The following DNAH6 variants were observed in gnomAD, a reference collection of about 807,000 sequenced individuals.
DNAH6 encodes the protein dynein axonemal heavy chain 6, also known as axonemal beta dynein heavy chain 6.
In DNAH6, 340 loss-of-function variants were observed where a neutral mutation model predicts 491.4. The ratio of observed to expected loss-of-function variants is 0.69; its 90% CI spans 0.63 to 0.76. The LOEUF (loss-of-function observed/expected upper bound fraction) is 0.76, where lower values mean the gene tolerates loss of function less well. Ranked by LOEUF, DNAH6 falls within the 30% of genes least tolerant of loss-of-function variation. DNAH6 has a pLI of 0.00. For missense variants in DNAH6, 4,443 were observed against 4,972.2 expected (o/e 0.89, Z 3.20); for synonymous variants, 1,603 against 1,686.1 (o/e 0.95, Z 1.21).
At chr2:84,676,302 A>G (rs1276833056) in intron 40 of DNAH6, among the ~76,000 whole-genome samples, 1 of 152,132 alleles carries the variant, frequency 6.6e-6, no homozygotes, top group African/African-American at 2.4e-5. Flanking sequence ...TTGAGACCAC[A>G]CTTTCACATT....
At chr2:84,800,865 G>C (rs992956749) in intron 70 of DNAH6, among the ~76,000 whole-genome samples, 3 of 151,946 alleles carry the variant, frequency 2.0e-5, no homozygotes, top group East Asian at 3.9e-4. Context: ...AACAATGATA[G>C]ACTGGATTAA....
intron 45 of DNAH6, among the ~76,000 whole-genome samples, chr2:84,692,271 C>G (rs1192153100): frequency 6.6e-6 from 1 of 152,182 alleles, no homozygotes; most frequent in African/African-American, 2.4e-5. Context: ...CATGATGAAG[C>G]TTACATGTGG....
At chr2:84,710,760 A>G (rs1696964096) in intron 56 of DNAH6, among the ~76,000 whole-genome samples, 1 of 152,196 alleles carries the variant, frequency 6.6e-6, no homozygotes, top group Non-Finnish European at 1.5e-5. Context: ...ATGCGAAGCC[A>G]GTAAAATATT....
At chr2:84,699,096 T>TGACAA (rs997405812) in intron 47 of DNAH6, among the ~76,000 whole-genome samples, 5 of 152,098 alleles carry the variant, frequency 3.3e-5, no homozygotes, top group South Asian at 4.2e-4. Flanking sequence ...ACTTCCTGGG[T>TGACAA]GACAAGATCA....
intron 65 of DNAH6, 45 bp downstream of exon 65, chr2:84,781,698 T>C (rs1676719416): frequency 1.2e-5 from 18 of 1,491,046 alleles, no homozygotes; most frequent in Non-Finnish European, 1.6e-5. Context: ...CATTTTTATG[T>C]AACCTTTTCT....
intron 62 of DNAH6, among the ~76,000 whole-genome samples, chr2:84,735,573 A>T (rs1018665337): frequency 6.6e-6 from 1 of 152,116 alleles, no homozygotes; most frequent in African/African-American, 2.4e-5. Context: ...TGACTTTTTA[A>T]TAATAGCCTT....
chr2:84,793,950 A>G (rs1466133849), intron 68 of DNAH6, among the ~76,000 whole-genome samples: 1 of 152,212 alleles, frequency 6.6e-6, no homozygotes, highest in East Asian at 1.9e-4. Flanking sequence ...CGGTAGTCAA[A>G]ACAGCATGAT....
At chr2:84,549,513 A>G (rs1261897767) in intron 8 of DNAH6, among the ~76,000 whole-genome samples, 1 of 152,272 alleles carries the variant, frequency 6.6e-6, no homozygotes, top group East Asian at 1.9e-4. Context: ...TTTTACTATT[A>G]GAATGCAAGT....
chr2:84,637,306 T>C lies in DNAH6; in HGVS notation c.4750T>C (p.Leu1584=). Residue 1584 remains leucine (L), a synonymous_variant, in exon 31 of 77, where the codon TTG becomes CTG. Coordinates refer to ENST00000389394, the MANE Select transcript of DNAH6 (RefSeq NM_001370.2). ...MNPGYAGRTE[L]PDNLKALFRP... The stretch of plus-strand genomic sequence containing the variant: ...TCCTGGCTATGCAGGGAGAACTGAA[T>C]TGCCAGATAATTTGAAAGCCCTGTT... 6.4e-7 allele frequency: 1 copy of C among 1,551,388 alleles called. No homozygotes were observed. Among genetic ancestry groups the C allele is most frequent in the South Asian group, 1.2e-5 (1 of 84,004 alleles).
the DNAH6 span, among the ~76,000 whole-genome samples, chr2:84,496,069 G>C: frequency 6.6e-6 from 1 of 152,154 alleles, no homozygotes. Flanking sequence ...TCCTGCTTCA[G>C]AGAGGAAATA....
At position 84,703,529 on chromosome 2, in the gene DNAH6, A is replaced by G. The variant is rs764661590; in HGVS notation, c.8196A>G (p.Glu2732=). The G allele has an allele frequency of 2.3e-5, 36 of 1,551,256 alleles. No individual in the cohort carries two copies. In the South Asian group the frequency reaches 4.2e-4, roughly 18 times the overall value. ...CAGAAGATGTTGAAGCCCTGATGGA[A>G]AAATTGGCAGTGGATCAAGAAAGTG... ...AKSEDVEALM[E]KLAVDQESAD... The change falls in exon 50 of 77, where the codon GAA becomes GAG. Residue 2732 remains glutamate, a synonymous_variant. Coordinates refer to ENST00000389394, the MANE Select transcript of DNAH6 (RefSeq NM_001370.2).
rs2104466679 is a variant in DNAH6, at chr2:84,634,578, C to T, written c.4590C>T (p.Asp1530=). Residue 1530 remains aspartate (D), a synonymous_variant, in exon 30 of 77, where the codon GAC becomes GAT. Coordinates refer to ENST00000389394, the MANE Select transcript of DNAH6 (RefSeq NM_001370.2). The part of the protein sequence containing the change: ...WCCFDEFNRI[D]IEVLSVIAQQ... Reference sequence around the variant, plus strand: ...GCTTTGATGAATTTAATCGAATTGACATAGAAGTTCTGTCCGTCATCGCGC... The same window carrying T: ...GCTTTGATGAATTTAATCGAATTGATATAGAAGTTCTGTCCGTCATCGCGC... 6.4e-7 allele frequency: 1 copy of T among 1,550,494 alleles called. No homozygotes were observed. The highest frequency in any genetic ancestry group is 8.7e-7 in the Non-Finnish European group (1 of 1,146,472).
intron 11 of DNAH6, among the ~76,000 whole-genome samples, chr2:84,572,228 T>TAATA (rs1681972568): frequency 6.6e-6 from 1 of 152,192 alleles, no homozygotes; most frequent in African/African-American, 2.4e-5. Flanking sequence ...GTTCAGAGTA[T>TAATA]AATAATATGT....
rs376618965 is a variant in DNAH6 at position 84,722,765 on chromosome 2, A to T, written c.9933A>T (p.Ile3311=). 16 of 1,535,492 alleles carry T rather than the reference A, an allele frequency of 1.0e-5. No homozygotes were observed. Among genetic ancestry groups the T allele is most frequent in the African/African-American group, 4.2e-5 (3 of 71,806 alleles). Residue 3311 remains isoleucine (I), a synonymous_variant, in exon 60 of 77, where the codon ATA becomes ATT. Coordinates refer to ENST00000389394, the MANE Select transcript of DNAH6 (RefSeq NM_001370.2). ...MYFVIASLSE[I]DPMYQYSLKY... ...TTGTCATTGCAAGCCTCTCAGAAAT[A>T]GATCCTATGTACCAGTACTCATTAA...
intron 63 of DNAH6, among the ~76,000 whole-genome samples, chr2:84,746,614 G>A (rs1034934650): frequency 1.3e-5 from 2 of 152,148 alleles, no homozygotes; most frequent in African/African-American, 4.8e-5. Flanking sequence ...TTGGGAAAAG[G>A]GAGAAAAAAC....
intron 4 of DNAH6, among the ~76,000 whole-genome samples, chr2:84,535,125 C>CT (rs1317012814): frequency 3.3e-5 from 5 of 151,746 alleles, no homozygotes; most frequent in Non-Finnish European, 5.9e-5. Context: ...TTACCACATC[C>CT]TTGAGTTTTT....
intron 18 of DNAH6, among the ~76,000 whole-genome samples, chr2:84,598,127 T>TTTTCTTTTTCTTTCTTTCTTTC (rs1553438007): frequency 9.1e-6 from 1 of 109,314 alleles, no homozygotes; most frequent in Non-Finnish European, 1.9e-5. Flanking sequence ...TCTATCTTTC[T>TTTTCTTTTTCTTTCTTTCTTTC]TTTCTTTCTT....
the DNAH6 span, among the ~76,000 whole-genome samples, chr2:84,470,873 A>G: frequency 3.2e-4 from 49 of 152,260 alleles, no homozygotes; most frequent in African/African-American, 1.2e-3. Context: ...GGCCATCGCA[A>G]TTGTGGAGGC....
At chr2:84,667,881 C>A (rs1692319188) in intron 37 of DNAH6, among the ~76,000 whole-genome samples, 1 of 152,204 alleles carries the variant, frequency 6.6e-6, no homozygotes, top group Non-Finnish European at 1.5e-5. Context: ...AAATGTGGCA[C>A]ATATACACCA....
Sources: gnomAD v4.1 joint callset for allele counts (sites outside exome capture counted in the v4.1 genomes callset) on GRCh38, gnomAD v4.1.1 for gene constraint, MANE v1.5 for transcripts, NCBI Gene and HGNC (gene_info 2026-07-23, HGNC 2026-07-21) for gene names.